Variants in ANKIB1 observed in about 807,000 individuals in gnomAD.
ANKIB1 encodes the protein ankyrin repeat and IBR domain-containing protein 1.
A neutral mutation model predicts 122.1 loss-of-function variants in ANKIB1; 43 were observed. The observed-to-expected ratio is 0.35, with a 90% CI of 0.28 to 0.45. ANKIB1 has a LOEUF of 0.45. ANKIB1 is among the 20% of genes least tolerant of loss of function. ANKIB1 has a pLI of 1.00. For missense variants in ANKIB1, 992 were observed against 1,329.5 expected (o/e 0.75, Z 3.95); for synonymous variants, 390 against 442.0 (o/e 0.88, Z 1.48).
Position 92,246,321 on chromosome 7 carries a change from C to A in ANKIB1, c.-289C>A. 1 of 412,186 alleles carries A rather than the reference C, an allele frequency of 2.4e-6. No homozygotes were observed. Among genetic ancestry groups the A allele is most frequent in the Non-Finnish European group, 4.8e-6 (1 of 210,034 alleles). The allele number at this position is 412,186 out of a possible 1,614,324, so 25.5% of individuals were successfully genotyped here. ...GGCTCACGCAGCGCTTCCCGCGGGC[C>A]GCCAGTGCGCACCCTCGGCCACATC... On this transcript the variant is annotated 5_prime_UTR_variant, in exon 1 of 20. Coordinates refer to ENST00000265742, the MANE Select transcript of ANKIB1 (RefSeq NM_019004.2).
intron 1 of ANKIB1, among the ~76,000 whole-genome samples, chr7:92,277,623 A>G (rs1054683845): frequency 3.9e-5 from 6 of 152,140 alleles, no homozygotes; most frequent in Non-Finnish European, 7.4e-5. Flanking sequence ...CCTCACATCT[A>G]TGGATGACAA....
rs554314629 is a variant in ANKIB1, at chr7:92,273,630, A to C, written c.-90-21259A>C. ...GATTATAGAAGGGAAAACAGATGGA[A>C]GATGGGTTATTATAGTCTGCCAGGC... On this transcript the variant is annotated intron_variant, in intron 1 of 19. Transcript: ENST00000265742. Among the ~76,000 whole-genome samples the C allele has an allele frequency of 6.6e-5, 10 of 152,354 alleles. No individual in the cohort carries two copies. In the South Asian group the frequency reaches 2.1e-3, roughly 32 times the overall value.
chr7:92,349,913 GT>G (rs1284331607), intron 7 of ANKIB1, among the ~76,000 whole-genome samples: 1 of 151,342 alleles, frequency 6.6e-6, no homozygotes, highest in Non-Finnish European at 1.5e-5. Context: ...GTACATGCGT[GT>G]AATCCCAGCT....
intron 9 of ANKIB1, among the ~76,000 whole-genome samples, chr7:92,354,376 C>T (rs148575260): frequency 6.6e-6 from 1 of 152,166 alleles, no homozygotes; most frequent in Non-Finnish European, 1.5e-5. Flanking sequence ...TATCCCAGTT[C>T]AAGGGATAAA....
chr7:92,305,552 G>A (rs1475778283), intron 2 of ANKIB1, among the ~76,000 whole-genome samples: 1 of 152,186 alleles, frequency 6.6e-6, no homozygotes, highest in Non-Finnish European at 1.5e-5. Context: ...AATGAGTTAT[G>A]TAATTGGGAT....
chr7:92,388,156 T>G, intron 14 of ANKIB1, 115 bp downstream of exon 14: 1 of 1,035,018 alleles, frequency 9.7e-7, no homozygotes, highest in Non-Finnish European at 1.4e-6. Flanking sequence ...CTTGTTCTGG[T>G]ACTGTTTTGA....
intron 5 of ANKIB1, 35 bp from the exon 6 acceptor site, chr7:92,342,989 T>C (rs1803467849): frequency 6.3e-7 from 1 of 1,584,370 alleles, no homozygotes; most frequent in East Asian, 2.2e-5. Flanking sequence ...CCATATTTTC[T>C]TTTTTGAGAG....
intron 11 of ANKIB1, among the ~76,000 whole-genome samples, chr7:92,373,652 A>C (rs913772537): frequency 2.6e-5 from 4 of 152,160 alleles, no homozygotes; most frequent in African/African-American, 4.8e-5. Flanking sequence ...CATATATACT[A>C]TATTTTAAAT....
Position 92,327,853 on chromosome 7 carries a change from T to G in ANKIB1, c.740T>G (p.Met247Arg). ...ATGCTTATTGTGGAAACTGCAGACA[T>G]GCTTCAGGCTCCTCTCTTTACTGCT... Reference protein sequence around the residue: ...KDMLIVETADMLQAPLFTAEA... With the variant: ...KDMLIVETADRLQAPLFTAEA... The change falls in exon 5 of 20, where the codon ATG becomes AGG. Residue 247 changes from methionine to arginine, a missense_variant. Met to Arg is a moderately conservative substitution (Grantham distance 91). Around this residue, in one of 4 missense-constraint regions of ANKIB1, gnomAD observed 521 missense variants for 777.7 expected, o/e 0.67. Coordinates refer to ENST00000265742, the MANE Select transcript of ANKIB1 (RefSeq NM_019004.2). The G allele has an allele frequency of 6.3e-7, 1 of 1,595,878 alleles. No homozygotes were observed. Among genetic ancestry groups the G allele is most frequent in the Non-Finnish European group, 8.5e-7 (1 of 1,175,012 alleles).
chr7:92,276,419 C>G (rs1801906384), intron 1 of ANKIB1, among the ~76,000 whole-genome samples: 1 of 152,156 alleles, frequency 6.6e-6, no homozygotes, highest in Non-Finnish European at 1.5e-5. Context: ...CTATGGAAAC[C>G]TTAAAAGGTC....
chr7:92,385,472 G>A (rs985865074), intron 11 of ANKIB1, among the ~76,000 whole-genome samples: 1 of 152,138 alleles, frequency 6.6e-6, no homozygotes, highest in Admixed American at 6.5e-5. Context: ...CAAAAACTTG[G>A]AACCAACCCA....
At chr7:92,353,098 A>G (rs1332914924) in intron 9 of ANKIB1, among the ~76,000 whole-genome samples, 2 of 152,212 alleles carry the variant, frequency 1.3e-5, no homozygotes, top group African/African-American at 4.8e-5. Context: ...ATTCTTCACC[A>G]GGAGCTCCCA....
intron 9 of ANKIB1, among the ~76,000 whole-genome samples, chr7:92,359,077 A>G (rs1212071125): frequency 6.6e-6 from 1 of 152,144 alleles, no homozygotes; most frequent in Non-Finnish European, 1.5e-5. Flanking sequence ...TAACGTATCC[A>G]GTTTTTTTTT....
At chr7:92,319,609 C>T (rs1047383222) in intron 4 of ANKIB1, 97 bp downstream of exon 4, 39 of 986,796 alleles carry the variant, frequency 4.0e-5, no homozygotes, top group Non-Finnish European at 4.9e-5. Context: ...TTTGTGTGTT[C>T]TTCTTTACAG....
chr7:92,370,329 A>G (rs1487675110), intron 10 of ANKIB1, among the ~76,000 whole-genome samples: 1 of 151,690 alleles, frequency 6.6e-6, no homozygotes, highest in Non-Finnish European at 1.5e-5. Context: ...TAACATGGTG[A>G]AACCCCATGT....
intron 17 of ANKIB1, chr7:92,395,824 C>T: frequency 6.5e-6 from 1 of 153,354 alleles, no homozygotes; most frequent in Non-Finnish European, 1.4e-5. Context: ...CAGGCGTGAG[C>T]CACAGCACCC....
At chr7:92,282,551 A>C (rs1237865240) in intron 1 of ANKIB1, among the ~76,000 whole-genome samples, 2 of 152,192 alleles carry the variant, frequency 1.3e-5, no homozygotes, top group East Asian at 3.9e-4. Flanking sequence ...ATATTTTTGC[A>C]TTAAGGACAA....
chr7:92,303,471 A>G (rs997286978), intron 2 of ANKIB1, among the ~76,000 whole-genome samples: 8 of 152,092 alleles, frequency 5.3e-5, no homozygotes, highest in Non-Finnish European at 5.9e-5. Flanking sequence ...ATACTTCCCA[A>G]TTTACAAAGT....
chr7:92,371,502 G>T lies in ANKIB1; in HGVS notation c.1512G>T (p.Glu504Asp). 1 of 1,606,850 alleles carries T rather than the reference G, an allele frequency of 6.2e-7. No individual in the cohort carries two copies. The highest frequency in any genetic ancestry group is 8.5e-7 in the Non-Finnish European group (1 of 1,176,336). ...TTGTGGGAGTTAGTGAAGCCTACGA[G>T]GATGCCGCCAATTGTCTCTGGTTAT... ...EELVGVSEAY[E>D]DAANCLWLLT... is the part of the protein sequence containing the mutation. Residue 504 changes from glutamate to aspartate, a missense_variant, in exon 11 of 20, where the codon GAG (glutamate) becomes GAT (aspartate). Physicochemically the swap from Glu to Asp is conservative, Grantham distance 45. This residue lies in a region of ANKIB1 where 521 missense variants were observed against 777.7 expected (regional missense o/e 0.67). Coordinates refer to ENST00000265742, the MANE Select transcript of ANKIB1 (RefSeq NM_019004.2).
Sources: gnomAD v4.1 joint callset for allele counts (sites outside exome capture counted in the v4.1 genomes callset) on GRCh38, gnomAD v4.1.1 for gene constraint, gnomAD v4.1.1 regional missense constraint, MANE v1.5 for transcripts, NCBI Gene and HGNC (gene_info 2026-07-23, HGNC 2026-07-21) for gene names.